Variants in EYA1 observed in about 807,000 individuals in gnomAD.
EYA1 encodes protein phosphatase EYA1.
EYA1 carries 16 observed loss-of-function variants against 82.0 expected under a neutral mutation model. That is an observed-to-expected ratio of 0.20 (90% CI 0.13 to 0.30). The LOEUF (loss-of-function observed/expected upper bound fraction) is 0.30. Among genes scored for constraint, EYA1 ranks in the 10% least tolerant of loss-of-function variants. The pLI is 1.00. For missense variants in EYA1, 633 were observed against 730.7 expected (o/e 0.87, Z 1.54); for synonymous variants, 261 against 264.4 (o/e 0.99, Z 0.12).
intron 9 of EYA1, among the ~76,000 whole-genome samples, chr8:71,278,617 A>T (rs1197296506): frequency 1.3e-5 from 2 of 152,230 alleles, no homozygotes; most frequent in Non-Finnish European, 2.9e-5. Context: ...TGATTTATAC[A>T]AAATAGTTTT....
chr8:71,426,444 G>T (rs1805232170), intron 2 of EYA1, among the ~76,000 whole-genome samples: 1 of 152,250 alleles, frequency 6.6e-6, no homozygotes, highest in Non-Finnish European at 1.5e-5. Flanking sequence ...TTGGATGAGA[G>T]AAAGACTTGG....
chr8:71,282,201 A>G (rs1817885357), intron 9 of EYA1, among the ~76,000 whole-genome samples: 1 of 151,806 alleles, frequency 6.6e-6, no homozygotes, highest in African/African-American at 2.4e-5. Flanking sequence ...TTGGCATGAG[A>G]CTCCAGTGCC....
At chr8:71,414,630 A>G (rs376301661) in intron 2 of EYA1, among the ~76,000 whole-genome samples, 131 of 152,228 alleles carry the variant, frequency 8.6e-4, no homozygotes, top group African/African-American at 3.0e-3. Context: ...AGCCTGTTTT[A>G]AAATAGTTCC....
intron 2 of EYA1, among the ~76,000 whole-genome samples, chr8:71,394,318 C>T (rs1045064866): frequency 2.0e-5 from 3 of 151,974 alleles, no homozygotes; most frequent in African/African-American, 4.8e-5. Flanking sequence ...TGTCAACTTT[C>T]GTTTTTGTTG....
At chr8:71,327,103 C>T (rs1321697948) in intron 4 of EYA1, among the ~76,000 whole-genome samples, 1 of 152,216 alleles carries the variant, frequency 6.6e-6, no homozygotes, top group Non-Finnish European at 1.5e-5. Context: ...TGTCTATTTA[C>T]ATACACCAGC....
chr8:71,505,900 G>C (rs962182667), intron 2 of EYA1, among the ~76,000 whole-genome samples: 1 of 152,068 alleles, frequency 6.6e-6, no homozygotes, highest in African/African-American at 2.4e-5. Flanking sequence ...AATGGGGGTG[G>C]TTTCCCCAAC....
intron 2 of EYA1, among the ~76,000 whole-genome samples, chr8:71,523,613 G>C (rs1335657777): frequency 1.3e-5 from 2 of 152,162 alleles, no homozygotes. Context: ...GTAATGAGAA[G>C]TTCACCATAG....
At chr8:71,271,636 A>C in intron 10 of EYA1, 122 bp downstream of exon 10, 1 of 1,023,108 alleles carries the variant, frequency 9.8e-7, no homozygotes, top group Non-Finnish European at 1.5e-6. Context: ...TAATATAAAA[A>C]AGAAAGCAGT....
At chr8:71,252,242 C>A (rs1001988130) in intron 11 of EYA1, among the ~76,000 whole-genome samples, 7 of 151,830 alleles carry the variant, frequency 4.6e-5, no homozygotes, top group Admixed American at 4.6e-4. Context: ...GTTGTTTTTG[C>A]AGGGCTAAGT....
intron 2 of EYA1, among the ~76,000 whole-genome samples, chr8:71,421,637 C>T (rs955194386): frequency 1.3e-5 from 2 of 152,140 alleles, no homozygotes; most frequent in African/African-American, 2.4e-5. Context: ...AAAAATGATG[C>T]AGCCCTTTGA....
intron 2 of EYA1, among the ~76,000 whole-genome samples, chr8:71,411,830 A>G (rs1830607224): frequency 1.4e-5 from 2 of 146,970 alleles, no homozygotes; most frequent in South Asian, 4.4e-4. Context: ...GCGATTCCTC[A>G]GGGATCTAGA....
chr8:71,226,411 C>T (rs999293332), intron 12 of EYA1, among the ~76,000 whole-genome samples: 1 of 151,678 alleles, frequency 6.6e-6, no homozygotes, highest in African/African-American at 2.4e-5. Context: ...TCTTTCTCAC[C>T]ATGAATGCCT....
At chr8:71,235,611 A>G (rs748086462) in intron 12 of EYA1, among the ~76,000 whole-genome samples, 91 of 152,288 alleles carry the variant, frequency 6.0e-4, no homozygotes, top group Non-Finnish European at 9.1e-4. Context: ...TTTTGTTTAC[A>G]TACTGTTTAT....
At position 71,231,016 on chromosome 8, in the gene EYA1, C is replaced by G. The variant is rs17709728; in HGVS notation, c.1140+13587G>C. 7.1e-3 allele frequency among the ~76,000 whole-genome samples: 1,079 copies of G among 152,318 alleles called. 7 individuals carry two copies. The highest frequency in any genetic ancestry group is 0.014 in the Middle Eastern group (4 of 294). ...ACACTTCAGGTTCAATATCTCAAAT[C>G]TGAATTCAGCATCTTCCTTCCAGAG... On this transcript the variant is annotated intron_variant, in intron 12 of 17. Transcript: ENST00000340726.
chr8:71,547,515 C>G (rs1815740544), intron 1 of EYA1: 1 of 152,148 alleles, frequency 6.6e-6, no homozygotes, highest in Admixed American at 6.5e-5. Context: ...TTTCGCGTAC[C>G]TGGCGGCGGC....
At chr8:71,325,912 A>G (rs1466305806) in intron 4 of EYA1, among the ~76,000 whole-genome samples, 1 of 152,178 alleles carries the variant, frequency 6.6e-6, no homozygotes, top group Non-Finnish European at 1.5e-5. Context: ...TAAACTTTCT[A>G]AACAGTAACC....
intron 2 of EYA1, among the ~76,000 whole-genome samples, chr8:71,416,847 T>C (rs987414553): frequency 2.6e-5 from 4 of 152,192 alleles, no homozygotes; most frequent in Non-Finnish European, 5.9e-5. Context: ...ATGGTTAATA[T>C]TGAGTGTCAC....
chr8:71,403,471 A>G (rs977014349), intron 2 of EYA1: 1 of 152,200 alleles, frequency 6.6e-6, no homozygotes, highest in Non-Finnish European at 1.5e-5. Context: ...ATTTATTCAA[A>G]CAAGCTTTTC....
intron 2 of EYA1, among the ~76,000 whole-genome samples, chr8:71,428,530 T>G: frequency 6.6e-6 from 1 of 152,200 alleles, no homozygotes; most frequent in East Asian, 1.9e-4. Context: ...CATAAAAAAC[T>G]AGGGGAAATA....
Sources: allele counts gnomAD v4.1 joint callset (sites outside exome capture counted in the v4.1 genomes callset), GRCh38; gene constraint gnomAD v4.1.1; transcripts MANE v1.5; gene names NCBI Gene and HGNC (gene_info 2026-07-23, HGNC 2026-07-21).